Variants in SLC40A1 observed in about 807,000 individuals in gnomAD.
SLC40A1 encodes the protein ferroportin.
A neutral mutation model predicts 53.5 loss-of-function variants in SLC40A1; 16 were observed. The observed-to-expected ratio is 0.30, with a 90% CI of 0.20 to 0.45. The LOEUF is 0.45. Among genes scored for constraint, SLC40A1 ranks in the 20% least tolerant of loss-of-function variants. SLC40A1 has a pLI of 1.00. For missense variants in SLC40A1, 545 were observed against 695.4 expected (o/e 0.78, Z 2.43); for synonymous variants, 247 against 253.2 (o/e 0.98, Z 0.23).
chr2:189,570,776 G>A (rs2031101862), intron 5 of SLC40A1, among the ~76,000 whole-genome samples: 1 of 152,050 alleles, frequency 6.6e-6, no homozygotes, highest in South Asian at 2.1e-4. Context: ...AAACAAAGCT[G>A]CTTGCTAACC....
chr2:189,570,098 GTA>G (rs1238814976), intron 5 of SLC40A1, among the ~76,000 whole-genome samples: 15 of 149,900 alleles, frequency 1.0e-4, no homozygotes, highest in African/African-American at 3.4e-4. Context: ...ATGTATGTGT[GTA>G]TATATATATG....
chr2:189,567,595 G>A (rs533866514), intron 5 of SLC40A1, among the ~76,000 whole-genome samples: 1 of 152,338 alleles, frequency 6.6e-6, no homozygotes, highest in African/African-American at 2.4e-5. Flanking sequence ...GAAAATTAGT[G>A]AGACAAGTCT....
chr2:189,571,044 G>C (rs2031109603), intron 5 of SLC40A1, among the ~76,000 whole-genome samples: 1 of 152,096 alleles, frequency 6.6e-6, no homozygotes, highest in African/African-American at 2.4e-5. Flanking sequence ...TAATGAGTGA[G>C]GGAGGTTATT....
Position 189,560,832 on chromosome 2 carries a change from CT to C in SLC40A1, c.*1045del, listed in dbSNP as rs1247901165. ...AACAATTTTTTAAAATATATACAAACTTTTTTTCTTCTATTCTTCTCAAAGG... is the reference window on the plus strand; with the variant it reads ...AACAATTTTTTAAAATATATACAAACTTTTTTCTTCTATTCTTCTCAAAGG... On this transcript the variant is annotated 3_prime_UTR_variant, in exon 8 of 8. Transcript: ENST00000261024. 1 of 152,670 alleles carries C rather than the reference CT, an allele frequency of 6.6e-6. No homozygotes were observed. Among genetic ancestry groups the C allele is most frequent in the South Asian group, 2.1e-4 (1 of 4,824 alleles). The allele number at this position is 152,670 out of a possible 1,614,324, so 9.5% of individuals were successfully genotyped here. A position where few individuals can be genotyped will look rare whatever the true frequency, so the allele number is the denominator to read the frequency against.
At chr2:189,579,573 T>G (rs903285671) in intron 2 of SLC40A1, among the ~76,000 whole-genome samples, 2 of 152,212 alleles carry the variant, frequency 1.3e-5, no homozygotes, top group African/African-American at 4.8e-5. Context: ...CTTGATAATC[T>G]TGTCTGGATA....
intron 3 of SLC40A1, among the ~76,000 whole-genome samples, chr2:189,574,348 G>A (rs1332292535): frequency 6.6e-6 from 1 of 152,104 alleles, no homozygotes; most frequent in East Asian, 1.9e-4. Context: ...ACAGAAATAT[G>A]TTCACCTTGA....
intron 5 of SLC40A1, among the ~76,000 whole-genome samples, chr2:189,566,444 T>C (rs774329087): frequency 6.6e-6 from 1 of 152,154 alleles, no homozygotes; most frequent in African/African-American, 2.4e-5. Context: ...ACAAGTCTTT[T>C]GGATATGTTT....
intron 7 of SLC40A1, 46 bp downstream of exon 7, chr2:189,563,538 C>T: frequency 6.4e-7 from 1 of 1,567,486 alleles, no homozygotes; most frequent in South Asian, 1.1e-5. Context: ...ACCTACATTA[C>T]AAAAAGACAC....
In SLC40A1 at chr2:189,568,632, CTG is replaced by C. The variant is rs2031012951; in HGVS notation, c.515-3035_515-3034del. 2.6e-5 allele frequency among the ~76,000 whole-genome samples: 4 copies of C among 152,360 alleles called. No individual in the cohort carries two copies. The South Asian group carries it at 8.3e-4, about 32-fold the overall frequency. ...ATGTGTTGATTTGATTCCAATTTAA[CTG>C]TTCTCAGCTACAGCTGTGGCACAGA... On this transcript the variant is annotated intron_variant, in intron 5 of 7. Coordinates refer to ENST00000261024, the MANE Select transcript of SLC40A1 (RefSeq NM_014585.6).
At chr2:189,565,913 T>C (rs1198984568) in intron 5 of SLC40A1, among the ~76,000 whole-genome samples, 1 of 152,214 alleles carries the variant, frequency 6.6e-6, no homozygotes, top group Non-Finnish European at 1.5e-5. Flanking sequence ...TATAAGCTAG[T>C]CATTATTCTC....
In SLC40A1 at chr2:189,561,618, G is replaced by A. The variant is rs2030741621; in HGVS notation, c.*260C>T. On this transcript the variant is annotated 3_prime_UTR_variant, in exon 8 of 8. Coordinates refer to ENST00000261024, the MANE Select transcript of SLC40A1 (RefSeq NM_014585.6). ...AGATTGTATCTACTCATGAGAAATA[G>A]GGGAATTCAGTGTTATCATTATAGT... The A allele has an allele frequency of 4.5e-6, 2 of 448,380 alleles. No homozygotes were observed. Among genetic ancestry groups the A allele is most frequent in the African/African-American group, 4.0e-5 (2 of 50,580 alleles). The allele number at this position is 448,380 out of a possible 1,614,324, so 27.8% of individuals were successfully genotyped here.
At chr2:189,577,514 C>T (rs917976119) in intron 2 of SLC40A1, among the ~76,000 whole-genome samples, 3 of 152,004 alleles carry the variant, frequency 2.0e-5, no homozygotes, top group African/African-American at 2.4e-5. Flanking sequence ...AGCAACTGGC[C>T]CCTCTTTTTC....
intron 3 of SLC40A1, among the ~76,000 whole-genome samples, chr2:189,573,212 CATA>C (rs1280294055): frequency 5.9e-5 from 9 of 152,146 alleles, no homozygotes; most frequent in Admixed American, 5.9e-4. Flanking sequence ...TGAAGTCTAT[CATA>C]ATGACTACAT....
At chr2:189,579,970 C>A (rs1238509360) in intron 1 of SLC40A1, 90 bp from the exon 2 acceptor site, 1 of 1,303,424 alleles carries the variant, frequency 7.7e-7, no homozygotes, top group African/African-American at 1.5e-5. Context: ...CTCATTAGAA[C>A]ATGATTATTA....
chr2:189,565,244 G>T, intron 6 of SLC40A1, 110 bp downstream of exon 6: 1 of 1,347,402 alleles, frequency 7.4e-7, no homozygotes, highest in Non-Finnish European at 1.1e-6. Context: ...AACCTCATCT[G>T]GCCCCCACTG....
chr2:189,571,932 G>T, intron 4 of SLC40A1, 91 bp from the exon 5 acceptor site: 1 of 843,622 alleles, frequency 1.2e-6, no homozygotes, highest in Non-Finnish European at 2.0e-6. Context: ...ATAGTCTTTG[G>T]TGGAATGATA....
In SLC40A1 at chr2:189,563,634, G is replaced by C. The variant is rs752986769; in HGVS notation, c.1352C>G (p.Pro451Arg). The change falls in exon 7 of 8, where the codon CCC becomes CGC. Residue 451 changes from proline to arginine, a missense_variant. By Grantham distance (103) the Pro-to-Arg change is moderately radical. Around this residue, in one of 4 missense-constraint regions of SLC40A1, gnomAD observed 234 missense variants for 299.0 expected, o/e 0.78. Coordinates refer to ENST00000261024, the MANE Select transcript of SLC40A1 (RefSeq NM_014585.6). ...IVPETSPESVPIISVSLLFAG... is the reference protein window; with the variant it reads ...IVPETSPESVRIISVSLLFAG... ...AAACAGCAGACTGACAGAGATTATG[G>C]GCACAGATTCAGGACTTGTCTCCGG... is the stretch of plus-strand genomic sequence containing the variant. 4 of 1,613,974 alleles carry C rather than the reference G, an allele frequency of 2.5e-6. No homozygotes were observed. The highest frequency in any genetic ancestry group is 3.4e-6 in the Non-Finnish European group (4 of 1,180,010).
chr2:189,573,051 A>G, intron 3 of SLC40A1, 90 bp from the exon 4 acceptor site: 1 of 895,512 alleles, frequency 1.1e-6, no homozygotes, highest in Non-Finnish European at 1.9e-6. Flanking sequence ...ACTATAATAC[A>G]TTAATACACA....
In SLC40A1 at chr2:189,561,739, TA is replaced by T; in HGVS notation, c.*138del. ...TTAATTTCTGCTGACTTAGGTTTCC[TA>T]AACAGCTTTTAGTTCTCAAGGCACA... is the stretch of plus-strand genomic sequence containing the variant. On this transcript the variant is annotated 3_prime_UTR_variant, in exon 8 of 8. Transcript: ENST00000261024. 2 of 735,582 alleles carry T rather than the reference TA, an allele frequency of 2.7e-6. No individual in the cohort carries two copies. Among genetic ancestry groups the T allele is most frequent in the Non-Finnish European group, 4.6e-6 (2 of 437,096 alleles). 45.6% of individuals were successfully genotyped at this position (735,582 alleles called of 1,614,324 possible).
Sources: gnomAD v4.1 joint callset for allele counts (sites outside exome capture counted in the v4.1 genomes callset) on GRCh38, gnomAD v4.1.1 for gene constraint, gnomAD v4.1.1 regional missense constraint, MANE v1.5 for transcripts, NCBI Gene and HGNC (gene_info 2026-07-23, HGNC 2026-07-21) for gene names.